CCDC171: variants seen among roughly 807,000 people sequenced by gnomAD.
CCDC171 encodes the protein coiled-coil domain containing 171, also known as coiled-coil domain-containing protein 171.
In CCDC171, 177 loss-of-function variants were observed where a neutral mutation model predicts 168.2. The observed-to-expected ratio is 1.05, with a 90% confidence interval of 0.93 to 1.19. The LOEUF (loss-of-function observed/expected upper bound fraction) is 1.19, where lower values mean the gene tolerates loss of function less well. CCDC171 is among the 50% of genes most tolerant of loss of function. CCDC171 has a pLI of 0.00. For synonymous variants in CCDC171, 687 were observed against 540.8 expected (o/e 1.27, Z -3.75); for missense variants, 1,991 against 1,539.0 (o/e 1.29, Z -4.91).
chr9:15,887,106 C>T (rs1399025400), intron 24 of CCDC171, among the ~76,000 whole-genome samples: 1 of 151,946 alleles, frequency 6.6e-6, no homozygotes, highest in South Asian at 2.1e-4. Flanking sequence ...AGTAGATCTT[C>T]AGTATTCTCA....
chr9:15,995,983 C>A (rs991265488), intron 3 of CCDC171, among the ~76,000 whole-genome samples: 2 of 152,124 alleles, frequency 1.3e-5, no homozygotes, highest in Non-Finnish European at 2.9e-5. Flanking sequence ...CATAAAACCC[C>A]AGTAGTTTAT....
rs148148183 is a variant in CCDC171 at position 15,694,515 on chromosome 9, C to G, written c.1216-720C>G. ...CAAGCAAGTAAACAAACAAAAATAGCCAAAACGAGACCCTCTCTACCATCA... is the reference window on the plus strand; with the variant it reads ...CAAGCAAGTAAACAAACAAAAATAGGCAAAACGAGACCCTCTCTACCATCA... On this transcript the variant is annotated intron_variant, in intron 10 of 25. Transcript: ENST00000380701. 6.8e-4 allele frequency among the ~76,000 whole-genome samples: 104 copies of G among 152,252 alleles called. 3 individuals are homozygous for G. Among genetic ancestry groups the G allele is most frequent in the African/African-American group, 2.2e-3 (91 of 41,566 alleles).
chr9:15,597,323 A>G (rs527678782), intron 6 of CCDC171, among the ~76,000 whole-genome samples: 5 of 152,304 alleles, frequency 3.3e-5, no homozygotes, highest in African/African-American at 1.2e-4. Context: ...ACGTCCCATC[A>G]ATAGCTAATT....
At position 15,903,897 on chromosome 9, in the gene CCDC171, G is replaced by A. The variant is rs200573846; in HGVS notation, c.3601-16373G>A. Reference sequence around the variant, plus strand: ...GACGAATGCATAAGCCTCAGTAGCCGATTTGATCAACTGGAAGAAAGGGTA... The same window carrying A: ...GACGAATGCATAAGCCTCAGTAGCCAATTTGATCAACTGGAAGAAAGGGTA... On this transcript the variant is annotated intron_variant, in intron 24 of 25. Transcript: ENST00000380701. 2.5e-4 allele frequency among the ~76,000 whole-genome samples: 38 copies of A among 152,322 alleles called. No individual in the cohort carries two copies. The East Asian group carries it at 3.5e-3, about 14-fold the overall frequency.
chr9:15,615,618 A>G (rs2044020967), intron 6 of CCDC171, among the ~76,000 whole-genome samples: 1 of 152,130 alleles, frequency 6.6e-6, no homozygotes, highest in South Asian at 2.1e-4. Flanking sequence ...ATAAGCTCTA[A>G]CTGATTGGCC....
At chr9:15,561,625 G>C (rs1239335220) in intron 1 of CCDC171, among the ~76,000 whole-genome samples, 1 of 151,992 alleles carries the variant, frequency 6.6e-6, no homozygotes, top group Non-Finnish European at 1.5e-5. Context: ...CTTTTTACCT[G>C]GTGGAAGAAG....
At chr9:15,655,454 A>G (rs1413529761) in intron 7 of CCDC171, among the ~76,000 whole-genome samples, 1 of 152,130 alleles carries the variant, frequency 6.6e-6, no homozygotes, top group East Asian at 1.9e-4. Context: ...GTAATCCGCT[A>G]CTTCCCAGGG....
rs202178796 is a variant in CCDC171 at position 15,649,217 on chromosome 9, T to C, written c.823-7910T>C. 5.3e-3 allele frequency among the ~76,000 whole-genome samples: 813 copies of C among 152,240 alleles called. 5 individuals carry two copies. The highest frequency in any genetic ancestry group is 0.019 in the African/African-American group (771 of 41,558). On this transcript the variant is annotated intron_variant, in intron 7 of 25. Coordinates refer to ENST00000380701, the MANE Select transcript of CCDC171 (RefSeq NM_173550.4). ...CATATGTAGAAAGCTGAAGCTGGAT[T>C]CCTTCCTTACACCTTATACAAAAGT...
intron 7 of CCDC171, among the ~76,000 whole-genome samples, chr9:15,625,680 C>A (rs183673612): frequency 2.9e-4 from 44 of 152,290 alleles, no homozygotes; most frequent in African/African-American, 1.0e-3. Flanking sequence ...GTCTATATCT[C>A]TGTTTTGGTA....
At chr9:15,993,452 G>A (rs201246608) in intron 3 of CCDC171, among the ~76,000 whole-genome samples, 2 of 152,024 alleles carry the variant, frequency 1.3e-5, no homozygotes, top group Middle Eastern at 3.2e-3. Context: ...TTCAAGATGG[G>A]TTAAAGACTT....
chr9:15,954,125 T>A (rs9969817), intron 25 of CCDC171, among the ~76,000 whole-genome samples: 45,817 of 150,026 alleles, frequency 0.31, 8,814 homozygotes, highest in East Asian at 0.61. Context: ...CAACTTTTGG[T>A]TTCATTGATT....
intron 19 of CCDC171, among the ~76,000 whole-genome samples, chr9:15,778,499 G>A (rs1381979737): frequency 6.6e-6 from 1 of 151,356 alleles, no homozygotes; most frequent in African/African-American, 2.4e-5. Context: ...ATGAGCCAGG[G>A]GTGGTGGTGG....
chr9:15,660,891 C>G (rs1317217206), intron 8 of CCDC171, among the ~76,000 whole-genome samples: 2 of 152,178 alleles, frequency 1.3e-5, no homozygotes, highest in Admixed American at 1.3e-4. Flanking sequence ...TTTGAGAAAT[C>G]TCCACTCCAC....
intron 7 of CCDC171, among the ~76,000 whole-genome samples, chr9:15,635,290 T>A (rs2046116661): frequency 6.6e-6 from 1 of 152,148 alleles, no homozygotes; most frequent in South Asian, 2.1e-4. Flanking sequence ...TTTTTATCAT[T>A]TTATGTGCTT....
chr9:15,767,052 G>T (rs2056762193), intron 18 of CCDC171, among the ~76,000 whole-genome samples: 1 of 152,066 alleles, frequency 6.6e-6, no homozygotes, highest in African/African-American at 2.4e-5. Context: ...CTTTACAACT[G>T]GTTAAAAATA....
At chr9:15,792,820 G>C (rs1435852085) in intron 21 of CCDC171, among the ~76,000 whole-genome samples, 1 of 152,110 alleles carries the variant, frequency 6.6e-6, no homozygotes, top group Non-Finnish European at 1.5e-5. Flanking sequence ...GCTCCTGAAG[G>C]AAGCACTAAA....
intron 12 of CCDC171, among the ~76,000 whole-genome samples, chr9:15,723,093 G>C (rs1164051151): frequency 6.6e-6 from 1 of 152,076 alleles, no homozygotes; most frequent in Admixed American, 6.6e-5. Context: ...AGACCAAGGG[G>C]GTGGCTGCAA....
chr9:15,675,822 A>G (rs2049508519), intron 9 of CCDC171, among the ~76,000 whole-genome samples: 3 of 151,976 alleles, frequency 2.0e-5, no homozygotes, highest in South Asian at 2.1e-4. Flanking sequence ...CTTCATTTCA[A>G]TCTTGGTGAA....
chr9:15,801,110 A>G (rs969335359), intron 21 of CCDC171, among the ~76,000 whole-genome samples: 1 of 151,770 alleles, frequency 6.6e-6, no homozygotes, highest in African/African-American at 2.4e-5. Context: ...TTGTGGTTCC[A>G]TGTAAATTTT....
Sources: allele counts gnomAD v4.1 joint callset (sites outside exome capture counted in the v4.1 genomes callset), GRCh38; gene constraint gnomAD v4.1.1; transcripts MANE v1.5; gene names NCBI Gene and HGNC (gene_info 2026-07-23, HGNC 2026-07-21).